PRMT1: variants seen among roughly 807,000 people sequenced by gnomAD.
PRMT1 encodes the protein protein arginine methyltransferase 1.
Under a neutral mutation model 47.4 loss-of-function variants are expected in PRMT1, and 5 were observed. The observed-to-expected ratio is 0.11, with a 90% CI of 0.06 to 0.22. PRMT1 has a LOEUF of 0.22. Ranked by LOEUF, PRMT1 falls within the 10% of genes least tolerant of loss-of-function variation. The probability of loss-of-function intolerance (pLI) is 1.00; values close to 1 mark genes in which losing one functional copy is unlikely to be tolerated. For missense variants in PRMT1, 249 were observed against 518.4 expected, an observed-to-expected ratio of 0.48 and a Z score of 5.05; for synonymous variants, 227 against 204.6, an observed-to-expected ratio of 1.11 and a Z score of -0.94.
rs999718275 is a variant in PRMT1, at chr19:49,679,938, TTG to T, written c.90+16_90+17del. 3 of 1,607,770 alleles carry T rather than the reference TTG, an allele frequency of 1.9e-6. No individual in the cohort carries two copies. The Admixed American group carries it at 5.0e-5, about 27-fold the overall frequency. The stretch of plus-strand genomic sequence containing the variant: ...GCCTCTTGAAGAAGTAAATATCCTT[TTG>T]TGAGACCCCTCCCCACCCTGACCTC... On this transcript the variant is annotated intron_variant, in intron 2 of 10. Coordinates refer to ENST00000454376, the MANE Select transcript of PRMT1 (RefSeq NM_001536.6).
chr19:49,676,800 C>G (rs1206596072), upstream of PRMT1, among the ~76,000 whole-genome samples: 1 of 152,192 alleles, frequency 6.6e-6, no homozygotes. Flanking sequence ...CTCCTTGAGG[C>G]CGGCCGCTTG....
At position 49,688,053 on chromosome 19, in the gene PRMT1, G is replaced by T. The variant is rs1343097030; in HGVS notation, c.1033-109G>T. 3 of 990,572 alleles carry T rather than the reference G, an allele frequency of 3.0e-6. No homozygotes were observed. The highest frequency in any genetic ancestry group is 4.9e-6 in the Non-Finnish European group (3 of 615,326). 61.4% of individuals were successfully genotyped at this position (990,572 alleles called of 1,614,324 possible). A position where few individuals can be genotyped will look rare whatever the true frequency, so the allele number is the denominator to read the frequency against. ...CAGCAGTTGGGGTCTGCAGCGTGGA[G>T]ATGGGCAGGAAGCTGGAGCCCGGCT... On this transcript the variant is annotated intron_variant, in intron 10 of 10. Coordinates refer to ENST00000454376, the MANE Select transcript of PRMT1 (RefSeq NM_001536.6). The surrounding 1 kb of genome is among the most constrained non-coding windows in gnomAD (Gnocchi z 5.3).
intron 10 of PRMT1, among the ~76,000 whole-genome samples, chr19:49,686,999 GC>G (rs1211500016): frequency 1.3e-5 from 2 of 152,056 alleles, no homozygotes; most frequent in African/African-American, 4.8e-5. Context: ...CCCTCCTGGT[GC>G]TTCCACTCTA....
Position 49,688,124 on chromosome 19 carries a change from T to A in PRMT1, c.1033-38T>A. The A allele has an allele frequency of 6.4e-7, 1 of 1,572,512 alleles. No individual in the cohort carries two copies. The highest frequency in any genetic ancestry group is 8.7e-7 in the Non-Finnish European group (1 of 1,144,486). ...GCACCCGCCCCCCGCCACCACCTCC[T>A]GGTGGGTTCCGCCCTCATGCCCCAC... On this transcript the variant is annotated intron_variant, in intron 10 of 10. Transcript: ENST00000454376. The surrounding 1 kb of genome is among the most constrained non-coding windows in gnomAD (Gnocchi z 5.3).
chr19:49,681,344 C>T lies in PRMT1; in HGVS notation c.193-566C>T, dbSNP rs779580469. Among the ~76,000 whole-genome samples the T allele has an allele frequency of 2.6e-4, 39 of 152,322 alleles. No individual in the cohort carries two copies. Among genetic ancestry groups the T allele is most frequent in the Middle Eastern group, 3.4e-3 (1 of 294 alleles). On this transcript the variant is annotated intron_variant, in intron 3 of 10. Transcript: ENST00000454376. This position sits in a 1 kb window ranked among gnomAD's most constrained non-coding sequence, Gnocchi z 4.4. Reference sequence around the variant, plus strand: ...GATTACAGGCGTGAGCCACCGCTCCCAGCCTGAGGACTTTTAAAAGCCAGG... The same window carrying T: ...GATTACAGGCGTGAGCCACCGCTCCTAGCCTGAGGACTTTTAAAAGCCAGG...
upstream of PRMT1, chr19:49,677,221 G>C: frequency 7.2e-7 from 1 of 1,392,066 alleles, no homozygotes; most frequent in Non-Finnish European, 9.4e-7. Flanking sequence ...AGGCGGTCCC[G>C]GGGGAGTGAG....
Position 49,683,927 on chromosome 19 carries a change from T to C in PRMT1, c.413T>C (p.Val138Ala). 1 of 1,612,172 alleles carries C rather than the reference T, an allele frequency of 6.2e-7. No individual in the cohort carries two copies. The highest frequency in any genetic ancestry group is 8.5e-7 in the Non-Finnish European group (1 of 1,179,152). The change falls in exon 6 of 11, where the codon GTG becomes GCG. Residue 138 changes from valine (V) to alanine (A), a missense_variant and splice_region_variant. By Grantham distance (64) the Val-to-Ala change is moderately conservative. Coordinates refer to ENST00000454376, the MANE Select transcript of PRMT1 (RefSeq NM_001536.6). Reference protein sequence around the residue: ...KIVKANKLDHVVTIIKGKVEE... With the variant: ...KIVKANKLDHAVTIIKGKVEE... ...CGTGGCCACCCTTGTCCGCCCGCAGTGGTGACCATCATCAAGGGGAAGGTG... is the reference window on the plus strand; with the variant it reads ...CGTGGCCACCCTTGTCCGCCCGCAGCGGTGACCATCATCAAGGGGAAGGTG...
chr19:49,683,002 G>A (rs1270749697), intron 5 of PRMT1, among the ~76,000 whole-genome samples: 1 of 151,732 alleles, frequency 6.6e-6, no homozygotes, highest in African/African-American at 2.4e-5. Flanking sequence ...TAGCCAGGAT[G>A]GTCTCGATCT....
At chr19:49,679,735 C>T in intron 1 of PRMT1, 137 bp from the exon 2 acceptor site, 2 of 687,664 alleles carry the variant, frequency 2.9e-6, no homozygotes, top group South Asian at 1.6e-5. Flanking sequence ...TCATTACTTG[C>T]CCCCTTCGCC....
Position 49,681,859 on chromosome 19 carries a change from A to G in PRMT1, c.193-51A>G. On this transcript the variant is annotated intron_variant, in intron 3 of 10. Coordinates refer to ENST00000454376, the MANE Select transcript of PRMT1 (RefSeq NM_001536.6). The surrounding 1 kb of genome is among the most constrained non-coding windows in gnomAD (Gnocchi z 4.4). ...GAGCTCTCAGGACACGCTGTTCTCC[A>G]GCTGGGGATATGGGGCCCCTCACGG... 6.3e-7 allele frequency: 1 copy of G among 1,576,490 alleles called. No homozygotes were observed. Among genetic ancestry groups the G allele is most frequent in the Non-Finnish European group, 8.6e-7 (1 of 1,156,404 alleles).
chr19:49,677,166 C>A, upstream of PRMT1: 5 of 1,064,166 alleles, frequency 4.7e-6, no homozygotes, highest in Non-Finnish European at 6.2e-6. Context: ...CCAATGAAAT[C>A]TTCCAGCGGG....
chr19:49,677,702 G>C (rs1347551213), intron 1 of PRMT1: 1 of 170,780 alleles, frequency 5.9e-6, no homozygotes, highest in Non-Finnish European at 1.2e-5. Flanking sequence ...GGGCGGGGAG[G>C]GGGTCCGACC....
At chr19:49,683,774 T>G in intron 5 of PRMT1, 153 bp from the exon 6 acceptor site, 5 of 766,486 alleles carry the variant, frequency 6.5e-6, no homozygotes, top group African/African-American at 1.8e-5. Flanking sequence ...TCCAGAACGA[T>G]GTATGAATTT....
intron 5 of PRMT1, 173 bp from the exon 6 acceptor site, chr19:49,683,754 C>T (rs2082160067): frequency 2.9e-6 from 2 of 688,746 alleles, no homozygotes; most frequent in South Asian, 2.0e-5. Flanking sequence ...CTGCTCCTGC[C>T]TCAAAAATGT....
At chr19:49,686,323 A>G in intron 9 of PRMT1, 80 bp downstream of exon 9, 3 of 1,483,716 alleles carry the variant, frequency 2.0e-6, no homozygotes, top group Non-Finnish European at 2.7e-6. Context: ...GGGTGACAGA[A>G]ACGGGCAGAA....
chr19:49,677,967 C>G (rs541115948), intron 1 of PRMT1, among the ~76,000 whole-genome samples: 1 of 152,276 alleles, frequency 6.6e-6, no homozygotes, highest in African/African-American at 2.4e-5. Flanking sequence ...GAATTCTCCC[C>G]CTCGCCCAGG....
At chr19:49,682,779 ATTTTTTTTT>A (rs58218406) in intron 5 of PRMT1, among the ~76,000 whole-genome samples, 2 of 70,980 alleles carry the variant, frequency 2.8e-5, no homozygotes, top group Non-Finnish European at 5.0e-5. Flanking sequence ...CATCCCCAGC[ATTTTTTTTT>A]TTTTTTTTTT....
chr19:49,677,896 G>A (rs958269889), intron 1 of PRMT1, among the ~76,000 whole-genome samples: 2 of 151,804 alleles, frequency 1.3e-5, no homozygotes, highest in Admixed American at 1.3e-4. Context: ...TGTGCGTTCT[G>A]GGTTAGGGAC....
In PRMT1 at chr19:49,685,847, T is replaced by A; in HGVS notation, c.760-246T>A. On this transcript the variant is annotated intron_variant, in intron 8 of 10. Transcript: ENST00000454376. This position sits in a 1 kb window ranked among gnomAD's most constrained non-coding sequence, Gnocchi z 4.7. ...CTAGGAGGTCTGGACAGAGTTAGGGTGGCACTGCCAGGTTTGGGTGTTGGA... is the reference window on the plus strand; with the variant it reads ...CTAGGAGGTCTGGACAGAGTTAGGGAGGCACTGCCAGGTTTGGGTGTTGGA... 7.4e-7 allele frequency: 1 copy of A among 1,358,894 alleles called. No homozygotes were observed. Among genetic ancestry groups the A allele is most frequent in the Non-Finnish European group, 9.5e-7 (1 of 1,054,622 alleles). The allele number at this position is 1,358,894 out of a possible 1,614,324, so 84.2% of individuals were successfully genotyped here. A position where few individuals can be genotyped will look rare whatever the true frequency, so the allele number is the denominator to read the frequency against.
Sources: allele counts gnomAD v4.1 joint callset (sites outside exome capture counted in the v4.1 genomes callset), GRCh38; gene constraint gnomAD v4.1.1; non-coding constraint Gnocchi (gnomAD v3.1); transcripts MANE v1.5; gene names NCBI Gene and HGNC (gene_info 2026-07-23, HGNC 2026-07-21).